GPC6: variants seen among roughly 807,000 people sequenced by gnomAD.
The protein encoded by GPC6 is glypican 6.
A neutral mutation model predicts 55.2 loss-of-function variants in GPC6; 14 were observed. That is an observed-to-expected ratio of 0.25 (90% CI 0.17 to 0.40). GPC6 has a LOEUF of 0.40. Ranked by LOEUF, GPC6 falls within the 10% of genes least tolerant of loss-of-function variation. The pLI is 1.00. For synonymous variants in GPC6, 278 were observed against 259.6 expected (o/e 1.07, Z -0.68); for missense variants, 641 against 708.5 (o/e 0.90, Z 1.08).
intron 3 of GPC6, among the ~76,000 whole-genome samples, chr13:93,992,710 A>G (rs1354432375): frequency 6.6e-6 from 1 of 152,204 alleles, no homozygotes; most frequent in Non-Finnish European, 1.5e-5. Flanking sequence ...TCATTATTTA[A>G]TTAGACTTTT....
intron 4 of GPC6, among the ~76,000 whole-genome samples, chr13:94,237,951 G>A (rs770551041): frequency 6.6e-6 from 1 of 152,114 alleles, no homozygotes; most frequent in East Asian, 1.9e-4. Flanking sequence ...ATGCTGGCTC[G>A]AACTAAGGAG....
intron 5 of GPC6, among the ~76,000 whole-genome samples, chr13:94,300,739 C>T (rs1237990373): frequency 2.0e-5 from 3 of 152,256 alleles, no homozygotes; most frequent in South Asian, 2.1e-4. Flanking sequence ...AAGCAGGCAG[C>T]GGTCAGGAGG....
chr13:93,310,120 G>T (rs1172879265), intron 1 of GPC6, among the ~76,000 whole-genome samples: 1 of 152,160 alleles, frequency 6.6e-6, no homozygotes, highest in Non-Finnish European at 1.5e-5. Context: ...AATCGTACAT[G>T]TCCAAATCTC....
intron 2 of GPC6, among the ~76,000 whole-genome samples, chr13:93,589,071 C>G (rs996655528): frequency 2.0e-5 from 3 of 152,112 alleles, no homozygotes; most frequent in African/African-American, 4.8e-5. Flanking sequence ...AGTTTGTTCC[C>G]TCTTGTTAAT....
chr13:93,231,963 T>A (rs1876077292), intron 1 of GPC6, among the ~76,000 whole-genome samples: 1 of 152,202 alleles, frequency 6.6e-6, no homozygotes, highest in Non-Finnish European at 1.5e-5. Context: ...AAAAAGATTA[T>A]TTGCTTGTTT....
At chr13:93,924,368 C>T (rs958762728) in intron 3 of GPC6, among the ~76,000 whole-genome samples, 3 of 152,214 alleles carry the variant, frequency 2.0e-5, no homozygotes, top group Non-Finnish European at 2.9e-5. Flanking sequence ...CTATTACAAT[C>T]GTCTGCGTTT....
At chr13:93,878,428 G>A (rs965307720) in intron 3 of GPC6, among the ~76,000 whole-genome samples, 4 of 152,020 alleles carry the variant, frequency 2.6e-5, no homozygotes, top group Admixed American at 6.6e-5. Flanking sequence ...CCAGGCTGGA[G>A]TGCAGTGGCA....
At chr13:93,754,739 T>C (rs1012768447) in intron 2 of GPC6, among the ~76,000 whole-genome samples, 1 of 152,094 alleles carries the variant, frequency 6.6e-6, no homozygotes, top group Non-Finnish European at 1.5e-5. Context: ...ACTACTGTTC[T>C]CATAAACAGA....
chr13:94,373,494 C>T (rs547763907), intron 6 of GPC6, among the ~76,000 whole-genome samples: 4 of 152,116 alleles, frequency 2.6e-5, no homozygotes, highest in East Asian at 1.9e-4. Flanking sequence ...TTAAATGAAG[C>T]GAGAACGGAA....
intron 6 of GPC6, among the ~76,000 whole-genome samples, chr13:94,349,780 C>A (rs1434362885): frequency 6.6e-6 from 1 of 152,142 alleles, no homozygotes; most frequent in Non-Finnish European, 1.5e-5. Context: ...TAACCACTTC[C>A]ATGGCATTTC....
At position 93,256,169 on chromosome 13, in the gene GPC6, C is replaced by CAA. The variant is rs1230331244; in HGVS notation, c.160+28572_160+28573dup. Among the ~76,000 whole-genome samples, 59 of 54,928 alleles carry CAA rather than the reference C, an allele frequency of 1.1e-3. 1 individual carries two copies. The highest frequency in any genetic ancestry group is 2.2e-3 in the South Asian group (3 of 1,386). The allele number at this position is 54,928 out of a possible 152,430, so 36.0% of individuals were successfully genotyped here. The stretch of plus-strand genomic sequence containing the variant: ...TGGGCGACAGAGTGAGACTCCATCT[C>CAA]AAAAAAAAAAAAAAAAAAAAGATCT... On this transcript the variant is annotated intron_variant, in intron 1 of 8. Transcript: ENST00000377047.
intron 1 of GPC6, among the ~76,000 whole-genome samples, chr13:93,231,366 T>TATATATATAC (rs1876022171): frequency 1.7e-4 from 3 of 17,186 alleles, no homozygotes; most frequent in East Asian, 4.1e-3. Context: ...TATACGTATA[T>TATATATATAC]ATATATATAT....
At chr13:94,247,789 A>G (rs1018154409) in intron 4 of GPC6, among the ~76,000 whole-genome samples, 2 of 152,020 alleles carry the variant, frequency 1.3e-5, no homozygotes, top group African/African-American at 4.8e-5. Flanking sequence ...AGTGCTCATC[A>G]GAGATATTGG....
intron 6 of GPC6, among the ~76,000 whole-genome samples, chr13:94,319,621 CT>C (rs1411356206): frequency 3.9e-5 from 6 of 152,120 alleles, no homozygotes; most frequent in African/African-American, 1.4e-4. Context: ...TTGAAAATGT[CT>C]TTTTGCCCTC....
intron 3 of GPC6, among the ~76,000 whole-genome samples, chr13:93,988,429 C>T (rs894200264): frequency 6.6e-6 from 1 of 152,118 alleles, no homozygotes; most frequent in Non-Finnish European, 1.5e-5. Context: ...TAGAGAAGCA[C>T]TATATAAGTT....
chr13:93,496,710 C>A (rs540236464), intron 1 of GPC6, among the ~76,000 whole-genome samples: 1 of 152,262 alleles, frequency 6.6e-6, no homozygotes, highest in Non-Finnish European at 1.5e-5. Context: ...TGACCTTGGG[C>A]AACTTACTTA....
chr13:93,779,784 T>C (rs750035288), intron 2 of GPC6, among the ~76,000 whole-genome samples: 2 of 152,198 alleles, frequency 1.3e-5, no homozygotes, highest in Non-Finnish European at 2.9e-5. Context: ...ACCACGCATG[T>C]ACCTTAGAGC....
chr13:93,775,696 A>G (rs189046140), intron 2 of GPC6, among the ~76,000 whole-genome samples: 41 of 152,330 alleles, frequency 2.7e-4, no homozygotes, highest in African/African-American at 9.4e-4. Context: ...ATTTCTGTTT[A>G]CATTCGGGCA....
chr13:93,927,854 AC>A (rs1403201742), intron 3 of GPC6, among the ~76,000 whole-genome samples: 1 of 152,160 alleles, frequency 6.6e-6, no homozygotes, highest in African/African-American at 2.4e-5. Flanking sequence ...ATTTTTTCTT[AC>A]CTATAAATGA....
Sources: allele counts gnomAD v4.1 joint callset (sites outside exome capture counted in the v4.1 genomes callset), GRCh38; gene constraint gnomAD v4.1.1; transcripts MANE v1.5; gene names NCBI Gene and HGNC (gene_info 2026-07-23, HGNC 2026-07-21).